FNDC3B: variants seen among roughly 807,000 people sequenced by gnomAD.
FNDC3B encodes fibronectin type III domain containing 3B.
A neutral mutation model predicts 151.5 loss-of-function variants in FNDC3B; 12 were observed. That is an observed-to-expected ratio of 0.08 (90% CI 0.05 to 0.13). The LOEUF is 0.13. Among genes scored for constraint, FNDC3B ranks in the 10% least tolerant of loss-of-function variants. The pLI, the probability that FNDC3B is intolerant of heterozygous loss-of-function variation, is 1.00. For missense variants in FNDC3B, 1,214 were observed against 1,505.3 expected (o/e 0.81, Z 3.20); for synonymous variants, 528 against 549.0 (o/e 0.96, Z 0.54).
chr3:172,092,840 C>T (rs1718907420), intron 1 of FNDC3B, among the ~76,000 whole-genome samples: 1 of 152,192 alleles, frequency 6.6e-6, no homozygotes, highest in Admixed American at 6.5e-5. Flanking sequence ...GTGTCTCACT[C>T]TGTTGCCCAG....
At chr3:172,337,831 G>A (rs1209455450) in intron 16 of FNDC3B, 5 of 203,902 alleles carry the variant, frequency 2.5e-5, no homozygotes, top group Admixed American at 5.6e-5. Context: ...ATTTTTCATA[G>A]TGATGGGGTC....
At chr3:172,199,425 C>T (rs556498650) in intron 3 of FNDC3B, among the ~76,000 whole-genome samples, 321 of 151,792 alleles carry the variant, frequency 2.1e-3, no homozygotes, top group Admixed American at 5.2e-3. Flanking sequence ...GTGATCCGCC[C>T]GCCTCGGCCT....
At chr3:172,281,946 A>G (rs1729750367) in intron 6 of FNDC3B, among the ~76,000 whole-genome samples, 1 of 151,978 alleles carries the variant, frequency 6.6e-6, no homozygotes, top group Non-Finnish European at 1.5e-5. Context: ...GCCACCAAAC[A>G]ATAGCTTCAT....
intron 3 of FNDC3B, among the ~76,000 whole-genome samples, chr3:172,160,902 A>T (rs1218594596): frequency 1.3e-5 from 2 of 152,184 alleles, no homozygotes; most frequent in Non-Finnish European, 2.9e-5. Context: ...CGTTGAAAGA[A>T]TTTTTGTGAA....
At chr3:172,328,652 C>T (rs1043372145) in intron 11 of FNDC3B, among the ~76,000 whole-genome samples, 3 of 152,114 alleles carry the variant, frequency 2.0e-5, no homozygotes, top group Admixed American at 6.6e-5. Flanking sequence ...ACTGGAGCAT[C>T]GTCTTGTGCC....
intron 3 of FNDC3B, among the ~76,000 whole-genome samples, chr3:172,225,245 C>T (rs1271511971): frequency 2.0e-5 from 3 of 152,204 alleles, no homozygotes; most frequent in East Asian, 3.8e-4. Context: ...TTGATCTTGA[C>T]TCACTGCAGC....
chr3:172,291,167 A>C (rs1033644541), intron 7 of FNDC3B, among the ~76,000 whole-genome samples: 2 of 152,224 alleles, frequency 1.3e-5, no homozygotes, highest in African/African-American at 4.8e-5. Flanking sequence ...CAAGCTATGG[A>C]TTACGTATCA....
intron 3 of FNDC3B, among the ~76,000 whole-genome samples, chr3:172,175,723 G>A (rs1428249089): frequency 6.6e-6 from 1 of 152,174 alleles, no homozygotes; most frequent in Non-Finnish European, 1.5e-5. Flanking sequence ...ATCTAAAGCC[G>A]ATATGTAAAC....
chr3:172,138,117 C>G (rs1027068327), intron 3 of FNDC3B, among the ~76,000 whole-genome samples: 1 of 152,222 alleles, frequency 6.6e-6, no homozygotes, highest in Non-Finnish European at 1.5e-5. Context: ...CATCATGCTT[C>G]CTTTAAGACT....
intron 3 of FNDC3B, among the ~76,000 whole-genome samples, chr3:172,214,390 G>C (rs1725876377): frequency 6.6e-6 from 1 of 152,144 alleles, no homozygotes; most frequent in Admixed American, 6.5e-5. Context: ...ACAACTTAGA[G>C]GATTTTTATT....
intron 1 of FNDC3B, among the ~76,000 whole-genome samples, chr3:172,046,592 G>C (rs1339534511): frequency 6.6e-6 from 1 of 151,852 alleles, no homozygotes; most frequent in Non-Finnish European, 1.5e-5. Flanking sequence ...CAAAATGTTG[G>C]GATTATAGGT....
intron 7 of FNDC3B, among the ~76,000 whole-genome samples, chr3:172,293,775 C>G (rs1166731928): frequency 6.6e-6 from 1 of 152,096 alleles, no homozygotes; most frequent in African/African-American, 2.4e-5. Context: ...GAAGTGATCT[C>G]CACTAAAAAT....
At chr3:172,109,469 G>A (rs113690964) in intron 1 of FNDC3B, among the ~76,000 whole-genome samples, 89 of 152,350 alleles carry the variant, frequency 5.8e-4, no homozygotes, top group African/African-American at 2.0e-3. Flanking sequence ...CCGGCCGAAG[G>A]CCTTGGATTC....
intron 11 of FNDC3B, among the ~76,000 whole-genome samples, chr3:172,327,411 G>A (rs549792316): frequency 1.2e-4 from 18 of 152,148 alleles, no homozygotes; most frequent in African/African-American, 3.9e-4. Context: ...GGGGCGGGGC[G>A]GGGCAGGAGG....
chr3:172,062,120 G>A (rs1407051076), intron 1 of FNDC3B, among the ~76,000 whole-genome samples: 2 of 152,062 alleles, frequency 1.3e-5, no homozygotes, highest in Admixed American at 6.6e-5. Flanking sequence ...GGACATGTCC[G>A]GAAGCTGATC....
At chr3:172,224,706 T>C (rs1191026521) in intron 3 of FNDC3B, among the ~76,000 whole-genome samples, 1 of 150,742 alleles carries the variant, frequency 6.6e-6, no homozygotes, top group East Asian at 1.9e-4. Context: ...GATCTGCCTT[T>C]TACCAAATAA....
chr3:172,277,979 T>C (rs1729519747), intron 6 of FNDC3B, among the ~76,000 whole-genome samples: 1 of 152,218 alleles, frequency 6.6e-6, no homozygotes, highest in South Asian at 2.1e-4. Flanking sequence ...ATGCTGGAAC[T>C]CTTGAGCCCT....
chr3:172,060,192 G>C (rs190264382), intron 1 of FNDC3B, among the ~76,000 whole-genome samples: 1 of 152,132 alleles, frequency 6.6e-6, no homozygotes, highest in African/African-American at 2.4e-5. Flanking sequence ...TAGGATTCTC[G>C]TGACTCAGTT....
chr3:172,393,322 A>G (rs2108394573), intron 25 of FNDC3B, among the ~76,000 whole-genome samples: 1 of 152,330 alleles, frequency 6.6e-6, no homozygotes, highest in East Asian at 1.9e-4. Flanking sequence ...CAATTCATCA[A>G]GAGGATATAA....
Sources: gnomAD v4.1 joint callset for allele counts (sites outside exome capture counted in the v4.1 genomes callset) on GRCh38, gnomAD v4.1.1 for gene constraint, MANE v1.5 for transcripts, NCBI Gene and HGNC (gene_info 2026-07-23, HGNC 2026-07-21) for gene names.